PRUNE2: variants seen among roughly 807,000 people sequenced by gnomAD.
The protein encoded by PRUNE2 is protein prune homolog 2.
Under a neutral mutation model 252.0 loss-of-function variants are expected in PRUNE2, and 164 were observed. That is an observed-to-expected ratio of 0.65 (90% CI 0.57 to 0.74). The LOEUF is 0.74. Among genes scored for constraint, PRUNE2 ranks in the 30% least tolerant of loss-of-function variants. PRUNE2 has a pLI of 0.00. For synonymous variants in PRUNE2, 1,292 were observed against 1,350.2 expected (o/e 0.96, Z 0.94); for missense variants, 3,495 against 3,711.0 (o/e 0.94, Z 1.51).
intron 6 of PRUNE2, among the ~76,000 whole-genome samples, chr9:76,716,730 C>T (rs905941787): frequency 7.9e-5 from 12 of 151,732 alleles, no homozygotes; most frequent in African/African-American, 1.5e-4. Flanking sequence ...GTGCAGAATG[C>T]GCAGGTTTGT....
Position 76,703,699 on chromosome 9 carries a change from A to G in PRUNE2, c.7914T>C (p.His2638=), listed in dbSNP as rs758812046. Residue 2638 remains histidine (H), a synonymous_variant, in exon 9 of 19, where the codon CAT becomes CAC. Transcript: ENST00000376718. ...CCAGTGATGGATCACCAACCTCACT[A>G]TGGCCCAAGAACATCCAACTCTGGT... ...AQDQSWMFLG[H]SEVGDPSLDA... The G allele has an allele frequency of 8.7e-6, 14 of 1,613,172 alleles. No homozygotes were observed. Among genetic ancestry groups the G allele is most frequent in the East Asian group, 6.7e-5 (3 of 44,896 alleles).
rs2046529829 is a variant in PRUNE2 at position 76,709,200 on chromosome 9, G to A, written c.3074C>T (p.Ser1025Leu). The change falls in exon 8 of 19, where the codon TCA (serine) becomes TTA (leucine). Residue 1025 changes from serine to leucine, a missense_variant. Coordinates refer to ENST00000376718, the MANE Select transcript of PRUNE2 (RefSeq NM_015225.3). ...CCACATGTCTAGGTTCCCAGGACCT[G>A]AACTGATTCGATTTCGAGATGACTG... ...LQQSSRNRIS[S>L]GPGNLDMWAS... 3 of 1,439,516 alleles carry A rather than the reference G, an allele frequency of 2.1e-6. No homozygotes were observed. Among genetic ancestry groups the A allele is most frequent in the Non-Finnish European group, 2.9e-6 (3 of 1,031,512 alleles). The allele number at this position is 1,439,516 out of a possible 1,614,324, so 89.2% of individuals were successfully genotyped here. A position where few individuals can be genotyped will look rare whatever the true frequency, so the allele number is the denominator to read the frequency against.
At chr9:76,768,577 ATATGTATGTG>A (rs796268232) in intron 6 of PRUNE2, among the ~76,000 whole-genome samples, 45 of 98,182 alleles carry the variant, frequency 4.6e-4, no homozygotes, top group African/African-American at 3.6e-4. Context: ...ATATATATGT[ATATGTATGTG>A]TGTGTGTGTG....
intron 4 of PRUNE2, among the ~76,000 whole-genome samples, chr9:76,839,034 A>G (rs181505362): frequency 6.6e-6 from 1 of 152,340 alleles, no homozygotes; most frequent in East Asian, 1.9e-4. Context: ...GCAAAACACT[A>G]GGATTTCTTA....
intron 9 of PRUNE2, among the ~76,000 whole-genome samples, chr9:76,683,404 G>A (rs1334020060): frequency 2.6e-5 from 4 of 152,188 alleles, no homozygotes; most frequent in South Asian, 4.1e-4. Context: ...CATTGACTGC[G>A]TGGTTGGAGC....
intron 4 of PRUNE2, among the ~76,000 whole-genome samples, chr9:76,841,349 C>T (rs2059384116): frequency 6.6e-6 from 1 of 152,224 alleles, no homozygotes; most frequent in African/African-American, 2.4e-5. Flanking sequence ...TGGATGCCTA[C>T]ACCACCAAGG....
At chr9:76,692,163 GGAAA>G in intron 9 of PRUNE2, 1 of 717,332 alleles carries the variant, frequency 1.4e-6, no homozygotes, top group East Asian at 2.7e-5. Context: ...GCAGTTAACT[GGAAA>G]TACAGATTCG....
At chr9:76,639,030 G>A (rs1056787790) in intron 12 of PRUNE2, among the ~76,000 whole-genome samples, 9 of 152,130 alleles carry the variant, frequency 5.9e-5, no homozygotes, top group South Asian at 2.1e-4. Context: ...AGGCTTAAGC[G>A]TATGTCCTGT....
In PRUNE2 at chr9:76,846,590, A is replaced by G; in HGVS notation, c.433T>C (p.Ser145Pro). 1 of 1,613,856 alleles carries G rather than the reference A, an allele frequency of 6.2e-7. No individual in the cohort carries two copies. Reference protein sequence around the residue: ...DANVEFRESSSSLVLKEILQE... With the variant: ...DANVEFRESSPSLVLKEILQE... ...AGAATCTCCTTTAGCACGAGAGAAGAGGAAGACTCTCGGAACTCAACGTTG... is the reference window on the plus strand; with the variant it reads ...AGAATCTCCTTTAGCACGAGAGAAGGGGAAGACTCTCGGAACTCAACGTTG... The change falls in exon 4 of 19, where the codon TCT (serine) becomes CCT (proline). Residue 145 changes from serine (S) to proline (P), a missense_variant. Coordinates refer to ENST00000376718, the MANE Select transcript of PRUNE2 (RefSeq NM_015225.3).
At chr9:76,654,064 T>C (rs1051903890) in intron 10 of PRUNE2, among the ~76,000 whole-genome samples, 13 of 152,276 alleles carry the variant, frequency 8.5e-5, no homozygotes, top group South Asian at 2.1e-4. Flanking sequence ...AGTGTCAGAA[T>C]TGAATTATAG....
At position 76,612,693 on chromosome 9, in the gene PRUNE2, GAGA is replaced by G. The variant is rs1165723300; in HGVS notation, c.*1874_*1876del. 6.6e-6 allele frequency: 1 copy of G among 152,254 alleles called. No individual in the cohort carries two copies. The highest frequency in any genetic ancestry group is 2.4e-5 in the African/African-American group (1 of 41,414). 9.4% of individuals were successfully genotyped at this position (152,254 alleles called of 1,614,324 possible). A position where few individuals can be genotyped will look rare whatever the true frequency, so the allele number is the denominator to read the frequency against. ...GATACTCGCTTGAAAGGATCAAGAG[GAGA>G]AAAGAGAAAACGATGGAGGCTTATG... On this transcript the variant is annotated 3_prime_UTR_variant, in exon 19 of 19. Transcript: ENST00000376718.
At chr9:76,869,298 G>A (rs1414993548) in intron 1 of PRUNE2, 2 of 152,232 alleles carry the variant, frequency 1.3e-5, no homozygotes, top group Non-Finnish European at 2.9e-5. Context: ...CCAGTACGGT[G>A]CAGGTATGCA....
At chr9:76,792,209 C>T (rs975916036) in intron 6 of PRUNE2, among the ~76,000 whole-genome samples, 1 of 152,034 alleles carries the variant, frequency 6.6e-6, no homozygotes, top group Non-Finnish European at 1.5e-5. Flanking sequence ...CCATGCTGTT[C>T]TCGTGATAGT....
At chr9:76,682,729 A>G (rs2043603343) in intron 9 of PRUNE2, among the ~76,000 whole-genome samples, 1 of 152,228 alleles carries the variant, frequency 6.6e-6, no homozygotes, top group Non-Finnish European at 1.5e-5. Context: ...TTTGGGGAGT[A>G]CATGTGATAA....
intron 6 of PRUNE2, among the ~76,000 whole-genome samples, chr9:76,770,226 C>T (rs1438396940): frequency 1.3e-5 from 2 of 152,100 alleles, no homozygotes; most frequent in Non-Finnish European, 2.9e-5. Flanking sequence ...TACCCTTACA[C>T]TTGTTTTCAT....
chr9:76,678,596 G>A (rs913372952), intron 9 of PRUNE2, among the ~76,000 whole-genome samples: 4 of 152,082 alleles, frequency 2.6e-5, no homozygotes, highest in Admixed American at 6.5e-5. Flanking sequence ...TTAGGAGGCC[G>A]AGATGGGCGG....
intron 9 of PRUNE2, among the ~76,000 whole-genome samples, chr9:76,670,884 C>T (rs1040918788): frequency 6.6e-6 from 1 of 151,948 alleles, no homozygotes; most frequent in African/African-American, 2.4e-5. Context: ...AGGACATCCA[C>T]ACCAAAAACC....
At chr9:76,903,834 C>A (rs779873537) in intron 1 of PRUNE2, among the ~76,000 whole-genome samples, 2 of 152,094 alleles carry the variant, frequency 1.3e-5, no homozygotes, top group African/African-American at 4.8e-5. Flanking sequence ...GTGATCCACC[C>A]GCCTCAGCCT....
chr9:76,840,707 G>C (rs1260136166), intron 4 of PRUNE2, among the ~76,000 whole-genome samples: 1 of 152,170 alleles, frequency 6.6e-6, no homozygotes, highest in African/African-American at 2.4e-5. Flanking sequence ...TAGGCTGGGA[G>C]TGGTGGCTCA....
Sources: allele counts gnomAD v4.1 joint callset (sites outside exome capture counted in the v4.1 genomes callset), GRCh38; gene constraint gnomAD v4.1.1; transcripts MANE v1.5; gene names NCBI Gene and HGNC (gene_info 2026-07-23, HGNC 2026-07-21).